The following HECW1 variants were observed in gnomAD, a reference collection of about 807,000 sequenced individuals.
The protein encoded by HECW1 is E3 ubiquitin-protein ligase HECW1.
A neutral mutation model predicts 182.3 loss-of-function variants in HECW1; 61 were observed. That is an observed-to-expected ratio of 0.33 (90% CI 0.27 to 0.41). The LOEUF (loss-of-function observed/expected upper bound fraction) is 0.41, where lower values mean the gene tolerates loss of function less well. HECW1 is among the 10% of genes least tolerant of loss of function. The probability of loss-of-function intolerance (pLI) is 1.00; values close to 1 mark genes in which losing one functional copy is unlikely to be tolerated. For missense variants in HECW1, 1,739 were observed against 2,108.9 expected (o/e 0.82, Z 3.44); for synonymous variants, 859 against 832.6 (o/e 1.03, Z -0.55).
At chr7:43,561,456 T>TATA (rs2082205685) in intron 29 of HECW1, among the ~76,000 whole-genome samples, 1 of 152,244 alleles carries the variant, frequency 6.6e-6, no homozygotes, top group Non-Finnish European at 1.5e-5. Flanking sequence ...GACTTAGGAA[T>TATA]ATAATCCTTC....
At chr7:43,500,615 G>A (rs2079310164) in intron 19 of HECW1, 84 bp from the exon 20 acceptor site, 2 of 1,080,982 alleles carry the variant, frequency 1.9e-6, no homozygotes, top group South Asian at 1.3e-5. Flanking sequence ...AGTATTGGAA[G>A]AGGAAATAAG....
intron 3 of HECW1, among the ~76,000 whole-genome samples, chr7:43,282,125 C>A (rs1387490028): frequency 1.3e-5 from 2 of 152,224 alleles, no homozygotes; most frequent in African/African-American, 4.8e-5. Flanking sequence ...ACAGCAGGAG[C>A]AATGTCTTGC....
intron 3 of HECW1, among the ~76,000 whole-genome samples, chr7:43,289,042 C>G (rs530649302): frequency 6.6e-6 from 1 of 152,150 alleles, no homozygotes; most frequent in Non-Finnish European, 1.5e-5. Context: ...CTGGCTGGTA[C>G]TAGGCATTTC....
chr7:43,329,598 C>T (rs931775046), intron 5 of HECW1, among the ~76,000 whole-genome samples: 3 of 152,182 alleles, frequency 2.0e-5, no homozygotes, highest in Middle Eastern at 3.4e-3. Context: ...GCTGCCTCTA[C>T]GGCACATCAT....
At chr7:43,359,415 A>G (rs566633995) in intron 5 of HECW1, among the ~76,000 whole-genome samples, 2 of 152,244 alleles carry the variant, frequency 1.3e-5, no homozygotes, top group Non-Finnish European at 1.5e-5. Context: ...AGAAAATTTG[A>G]ACTTAAAAAA....
intron 20 of HECW1, 32 bp downstream of exon 20, chr7:43,500,814 A>G: frequency 1.3e-6 from 2 of 1,569,556 alleles, no homozygotes; most frequent in South Asian, 2.2e-5. Context: ...CCTTCTGGAA[A>G]AGCTTCCCTG....
chr7:43,528,991 A>C (rs965224024), intron 24 of HECW1, among the ~76,000 whole-genome samples: 1 of 152,168 alleles, frequency 6.6e-6, no homozygotes, highest in Non-Finnish European at 1.5e-5. Context: ...CACATTCCCC[A>C]AAACAGTATC....
At chr7:43,516,849 A>T (rs2080176729) in intron 24 of HECW1, among the ~76,000 whole-genome samples, 1 of 152,222 alleles carries the variant, frequency 6.6e-6, no homozygotes, top group South Asian at 2.1e-4. Context: ...CCTGCACAAC[A>T]TGTTACTGTA....
At chr7:43,223,329 T>G (rs528431869) in intron 2 of HECW1, among the ~76,000 whole-genome samples, 39 of 152,272 alleles carry the variant, frequency 2.6e-4, no homozygotes, top group African/African-American at 9.4e-4. Flanking sequence ...ATTAAAACAT[T>G]TGTCAAGGCC....
chr7:43,374,462 G>A (rs1204850391), intron 6 of HECW1, among the ~76,000 whole-genome samples: 1 of 152,078 alleles, frequency 6.6e-6, no homozygotes, highest in Non-Finnish European at 1.5e-5. Context: ...CCCCAACCCA[G>A]TGGAAACAGA....
At chr7:43,297,337 A>G (rs1228812599) in intron 3 of HECW1, among the ~76,000 whole-genome samples, 1 of 152,254 alleles carries the variant, frequency 6.6e-6, no homozygotes, top group Non-Finnish European at 1.5e-5. Context: ...TATTTCTAAC[A>G]CTTCCTAATC....
chr7:43,132,487 C>G (rs1787059399), intron 2 of HECW1, among the ~76,000 whole-genome samples: 1 of 152,108 alleles, frequency 6.6e-6, no homozygotes, highest in Admixed American at 6.6e-5. Flanking sequence ...CCTTCACATT[C>G]ATTAGTGGTC....
chr7:43,488,043 C>A (rs928436058), intron 17 of HECW1, among the ~76,000 whole-genome samples: 6 of 151,692 alleles, frequency 4.0e-5, no homozygotes, highest in African/African-American at 1.5e-4. Flanking sequence ...GTCACAGTGG[C>A]TAAAGCCTGT....
At chr7:43,184,896 A>G (rs2152679081) in intron 2 of HECW1, among the ~76,000 whole-genome samples, 1 of 152,136 alleles carries the variant, frequency 6.6e-6, no homozygotes, top group East Asian at 1.9e-4. Context: ...AGCAAGAGGA[A>G]CAGATGAGGG....
chr7:43,442,744 A>G (rs2076928356), intron 10 of HECW1, 115 bp downstream of exon 10: 3 of 741,582 alleles, frequency 4.0e-6, no homozygotes, highest in South Asian at 3.2e-5. Context: ...TTTTGTGGTT[A>G]TCTTCTCCAT....
chr7:43,348,318 C>A (rs1308357571), intron 5 of HECW1, among the ~76,000 whole-genome samples: 2 of 152,062 alleles, frequency 1.3e-5, no homozygotes, highest in Admixed American at 6.6e-5. Context: ...TTCATACTAG[C>A]CTTGAATAGT....
At chr7:43,361,605 G>T (rs1584625766) in intron 6 of HECW1, among the ~76,000 whole-genome samples, 1 of 152,144 alleles carries the variant, frequency 6.6e-6, no homozygotes, top group East Asian at 1.9e-4. Context: ...TCAGGCCTGT[G>T]GTAATAGATG....
chr7:43,207,291 C>T (rs1795569887), intron 2 of HECW1, among the ~76,000 whole-genome samples: 1 of 152,168 alleles, frequency 6.6e-6, no homozygotes, highest in Admixed American at 6.5e-5. Flanking sequence ...AAGTGCTCTG[C>T]CCACCTCAGC....
In HECW1 at chr7:43,395,569, C is replaced by G. The variant is rs184058569; in HGVS notation, c.556-1245C>G. ...GTCAAAGAATTTGACAATCTCTTAT[C>G]TGGCCTGGTGCCGAGCCCCATTCCG... is the stretch of plus-strand genomic sequence containing the variant. On this transcript the variant is annotated intron_variant, in intron 6 of 29. Coordinates refer to ENST00000395891, the MANE Select transcript of HECW1 (RefSeq NM_015052.5). 3.2e-4 allele frequency among the ~76,000 whole-genome samples: 48 copies of G among 152,340 alleles called. No individual in the cohort carries two copies. The East Asian group carries it at 7.5e-3, about 24-fold the overall frequency.
Sources: allele counts gnomAD v4.1 joint callset (sites outside exome capture counted in the v4.1 genomes callset), GRCh38; gene constraint gnomAD v4.1.1; transcripts MANE v1.5; gene names NCBI Gene and HGNC (gene_info 2026-07-23, HGNC 2026-07-21).